Variants in ZNF138 observed in about 807,000 individuals in gnomAD.
ZNF138 encodes the protein zinc finger protein 138 (clone pHZ-32).
In ZNF138, 33 loss-of-function variants were observed where a neutral mutation model predicts 33.0. That is an observed-to-expected ratio of 1.00 (90% CI 0.76 to 1.34). The LOEUF (loss-of-function observed/expected upper bound fraction) is 1.34. ZNF138 is among the 40% of genes most tolerant of loss of function. The pLI, the probability that ZNF138 is intolerant of heterozygous loss-of-function variation, is 0.00. For synonymous variants in ZNF138, 139 were observed against 120.4 expected, an observed-to-expected ratio of 1.15 and a Z score of -1.01; for missense variants, 360 against 370.8, an observed-to-expected ratio of 0.97 and a Z score of 0.24.
the ZNF138 span, among the ~76,000 whole-genome samples, chr7:64,839,083 C>T: frequency 7.9e-5 from 12 of 152,116 alleles, no homozygotes; most frequent in African/African-American, 2.4e-4. Flanking sequence ...GAGCGGAGGT[C>T]CCAGAACCTT....
At chr7:64,802,641 C>T (rs1252324359) in intron 1 of ZNF138, among the ~76,000 whole-genome samples, 4 of 125,698 alleles carry the variant, frequency 3.2e-5, no homozygotes, top group African/African-American at 1.0e-4. Context: ...GGGCATGACC[C>T]CTTACAAACA....
chr7:64,813,407 A>C (rs1788336441), intron 1 of ZNF138, among the ~76,000 whole-genome samples: 1 of 150,456 alleles, frequency 6.6e-6, no homozygotes, highest in South Asian at 2.1e-4. Flanking sequence ...AACATGAATT[A>C]CCTGTATCTT....
chr7:64,851,083 A>G, the ZNF138 span, among the ~76,000 whole-genome samples: 2 of 152,184 alleles, frequency 1.3e-5, no homozygotes, highest in African/African-American at 4.8e-5. Flanking sequence ...TTGCTTACCT[A>G]TCATTTTTTT....
the ZNF138 span, among the ~76,000 whole-genome samples, chr7:64,852,118 T>C: frequency 5.9e-5 from 9 of 152,248 alleles, no homozygotes; most frequent in South Asian, 4.1e-4. Flanking sequence ...CGGCAAAAGG[T>C]AAGTGTCTAA....
chr7:64,822,381 C>T (rs1380551251), intron 3 of ZNF138, among the ~76,000 whole-genome samples: 3 of 151,606 alleles, frequency 2.0e-5, no homozygotes, highest in Non-Finnish European at 4.4e-5. Flanking sequence ...ATGCCAAGAT[C>T]AATGTCATGT....
intron 1 of ZNF138, among the ~76,000 whole-genome samples, chr7:64,807,810 A>G (rs905433218): frequency 6.6e-6 from 1 of 152,194 alleles, no homozygotes; most frequent in Non-Finnish European, 1.5e-5. Flanking sequence ...GCTCTTGTGT[A>G]AATAGAATCT....
intron 3 of ZNF138, among the ~76,000 whole-genome samples, chr7:64,824,734 G>A (rs575951240): frequency 6.6e-6 from 1 of 152,124 alleles, no homozygotes; most frequent in South Asian, 2.1e-4. Context: ...TCTCTTGCTA[G>A]TACTGGACTT....
chr7:64,837,067 T>C (rs1439829859), downstream of ZNF138, among the ~76,000 whole-genome samples: 1 of 152,182 alleles, frequency 6.6e-6, no homozygotes, highest in East Asian at 1.9e-4. Context: ...ATGACCAGCT[T>C]TCCTCGAGAA....
downstream of ZNF138, chr7:64,835,164 T>C (rs1214723075): frequency 6.6e-6 from 1 of 152,196 alleles, no homozygotes; most frequent in African/African-American, 2.4e-5. Context: ...ACAGGAAAGG[T>C]GAACCCGGAA....
In ZNF138 at chr7:64,831,590, G is replaced by C. The variant is rs751016036; in HGVS notation, c.348G>C (p.Glu116Asp). 1.2e-6 allele frequency: 2 copies of C among 1,613,410 alleles called. No individual in the cohort carries two copies. The highest frequency in any genetic ancestry group is 1.7e-6 in the Non-Finnish European group (2 of 1,179,802). ...GAAAAGGCTGTAAAAGTGTGGATGA[G>C]TGTAAGGGACACCAAGGAGGTTTTA... ...QLRKGCKSVDECKGHQGGFNG... is the reference protein window; with the variant it reads ...QLRKGCKSVDDCKGHQGGFNG... Residue 116 changes from glutamate (E) to aspartate (D), a missense_variant, in exon 4 of 4, where the codon GAG becomes GAC. By Grantham distance (45) the Glu-to-Asp change is conservative (BLOSUM62 2). Transcript: ENST00000307355.
downstream of ZNF138, among the ~76,000 whole-genome samples, chr7:64,834,274 A>G (rs1419798117): frequency 6.6e-6 from 1 of 152,190 alleles, no homozygotes; most frequent in Non-Finnish European, 1.5e-5. Flanking sequence ...ATACTAAACT[A>G]TATTTTTCCA....
intron 3 of ZNF138, among the ~76,000 whole-genome samples, chr7:64,822,611 C>A (rs1032772023): frequency 6.8e-6 from 1 of 147,484 alleles, no homozygotes; most frequent in African/African-American, 2.7e-5. Context: ...TAGAAGGGTT[C>A]ATTTCTGGGC....
In ZNF138 at chr7:64,798,258, T is replaced by G. The variant is rs150788755; in HGVS notation, c.3+3687T>G. ...GCTCAGCCCAAATCAGATTTTAGAT[T>G]AGAAAATGTTTTACCCTGAAGTCAG... On this transcript the variant is annotated intron_variant, in intron 1 of 3. Coordinates refer to ENST00000307355, the MANE Select transcript of ZNF138 (RefSeq NM_001271639.2). Among the ~76,000 whole-genome samples, 44 of 152,290 alleles carry G rather than the reference T, an allele frequency of 2.9e-4. No homozygotes were observed. The East Asian group carries it at 4.4e-3, about 15-fold the overall frequency.
intron 3 of ZNF138, among the ~76,000 whole-genome samples, chr7:64,823,808 C>G (rs1229982824): frequency 6.6e-6 from 1 of 152,094 alleles, no homozygotes; most frequent in Non-Finnish European, 1.5e-5. Flanking sequence ...CGTGGTGGCA[C>G]GCGCCTGTAG....
chr7:64,813,272 A>G (rs1194885170), intron 1 of ZNF138, among the ~76,000 whole-genome samples: 2 of 152,128 alleles, frequency 1.3e-5, no homozygotes, highest in Non-Finnish European at 2.9e-5. Flanking sequence ...AACAGGATTA[A>G]TAAAATGCTG....
At chr7:64,839,035 TGTGCCAGCGAAAACACTTG>T in the ZNF138 span, among the ~76,000 whole-genome samples, 2 of 152,084 alleles carry the variant, frequency 1.3e-5, no homozygotes, top group African/African-American at 4.8e-5. Context: ...CAGAGGGACT[TGTGCCAGCGAAAACACTTG>T]GCGGCAGCGG....
intron 1 of ZNF138, among the ~76,000 whole-genome samples, chr7:64,799,082 G>A (rs1367295908): frequency 1.3e-5 from 2 of 151,980 alleles, no homozygotes; most frequent in African/African-American, 2.4e-5. Context: ...GTTCTGTTAA[G>A]AATGTTTTTG....
intron 1 of ZNF138, among the ~76,000 whole-genome samples, chr7:64,798,715 T>C (rs1786893040): frequency 6.6e-6 from 1 of 151,182 alleles, no homozygotes; most frequent in Non-Finnish European, 1.5e-5. Context: ...GAGGCGGAGG[T>C]TGTGGTGAGC....
chr7:64,851,365 A>G, the ZNF138 span, among the ~76,000 whole-genome samples: 3 of 152,142 alleles, frequency 2.0e-5, no homozygotes, highest in African/African-American at 4.8e-5. Context: ...TTGAATAACA[A>G]GTTTAAGTTT....
Sources: allele counts gnomAD v4.1 joint callset (sites outside exome capture counted in the v4.1 genomes callset), GRCh38; gene constraint gnomAD v4.1.1; transcripts MANE v1.5; gene names NCBI Gene and HGNC (gene_info 2026-07-23, HGNC 2026-07-21).